Variants in LEMD3 observed in about 807,000 individuals in gnomAD.
The protein encoded by LEMD3 is LEM domain containing 3.
A neutral mutation model predicts 95.2 loss-of-function variants in LEMD3; 33 were observed. The observed-to-expected ratio is 0.35, with a 90% CI of 0.26 to 0.46. The LOEUF (loss-of-function observed/expected upper bound fraction) is 0.46, where lower values mean the gene tolerates loss of function less well. LEMD3 is among the 20% of genes least tolerant of loss of function. LEMD3 has a pLI of 1.00. For synonymous variants in LEMD3, 525 were observed against 474.6 expected (o/e 1.11, Z -1.38); for missense variants, 1,210 against 1,192.8 (o/e 1.01, Z -0.21).
chr12:65,210,888 G>A, intron 1 of LEMD3, 38 bp from the exon 2 acceptor site: 1 of 1,492,218 alleles, frequency 6.7e-7, no homozygotes, highest in Non-Finnish European at 9.4e-7. Flanking sequence ...TAATTCGTAA[G>A]TGATGCTAAT....
intron 1 of LEMD3, among the ~76,000 whole-genome samples, chr12:65,179,375 T>C (rs1868831554): frequency 6.6e-6 from 1 of 152,162 alleles, no homozygotes; most frequent in South Asian, 2.1e-4. Flanking sequence ...TCTTAAAGCT[T>C]GCTTCTCCTT....
At chr12:65,227,738 T>G (rs1870495357) in intron 4 of LEMD3, among the ~76,000 whole-genome samples, 1 of 128,958 alleles carries the variant, frequency 7.8e-6, no homozygotes, top group Admixed American at 8.4e-5. Context: ...TTTTGCGATT[T>G]TTTTTTTTTT....
intron 1 of LEMD3, among the ~76,000 whole-genome samples, chr12:65,173,150 T>G (rs561818654): frequency 9.2e-5 from 14 of 152,214 alleles, no homozygotes; most frequent in Non-Finnish European, 2.1e-4. Context: ...AACACTGTTT[T>G]GGTTATTGTT....
intron 1 of LEMD3, among the ~76,000 whole-genome samples, chr12:65,186,173 C>T (rs1869055477): frequency 6.6e-6 from 1 of 151,992 alleles, no homozygotes; most frequent in Admixed American, 6.6e-5. Context: ...GCCTGAGATT[C>T]TAAGTCATAA....
intron 1 of LEMD3, among the ~76,000 whole-genome samples, chr12:65,200,357 G>C (rs4762129): frequency 0.49 from 74,928 of 151,880 alleles, 20,135 homozygotes; most frequent in Middle Eastern, 0.67. Flanking sequence ...ATTCTGTTGA[G>C]TGTACTTCTG....
At chr12:65,232,113 G>A (rs539398276) in intron 4 of LEMD3, among the ~76,000 whole-genome samples, 1 of 152,148 alleles carries the variant, frequency 6.6e-6, no homozygotes, top group African/African-American at 2.4e-5. Context: ...TTTGATATAT[G>A]TTGCTATATT....
chr12:65,171,209 AC>A, intron 1 of LEMD3, 91 bp downstream of exon 1: 1 of 1,583,370 alleles, frequency 6.3e-7, no homozygotes, highest in Non-Finnish European at 8.5e-7. Flanking sequence ...GAAGTGACTT[AC>A]CTGCAAGAAT....
At chr12:65,181,850 G>T (rs1244629664) in intron 1 of LEMD3, among the ~76,000 whole-genome samples, 1 of 151,614 alleles carries the variant, frequency 6.6e-6, no homozygotes, top group Non-Finnish European at 1.5e-5. Context: ...TATGATTATG[G>T]TTCAAGATGT....
intron 8 of LEMD3, 54 bp downstream of exon 8, chr12:65,240,292 G>A (rs900268110): frequency 3.1e-6 from 4 of 1,275,574 alleles, no homozygotes; most frequent in Non-Finnish European, 4.6e-6. Context: ...AGTGCTTTCT[G>A]CAGTATTGAA....
intron 9 of LEMD3, among the ~76,000 whole-genome samples, chr12:65,243,063 A>T (rs984576675): frequency 3.3e-5 from 5 of 152,048 alleles, no homozygotes; most frequent in African/African-American, 4.8e-5. Flanking sequence ...TTTATTCTTC[A>T]GTTCCCACAT....
At chr12:65,226,727 T>G (rs1870458934) in intron 4 of LEMD3, among the ~76,000 whole-genome samples, 1 of 152,238 alleles carries the variant, frequency 6.6e-6, no homozygotes, top group Non-Finnish European at 1.5e-5. Flanking sequence ...TGGTAAAGTC[T>G]CTAACTTTTC....
At chr12:65,191,196 A>C (rs1234323926) in intron 1 of LEMD3, among the ~76,000 whole-genome samples, 2 of 152,038 alleles carry the variant, frequency 1.3e-5, no homozygotes, top group African/African-American at 4.8e-5. Context: ...CTCTTCCATG[A>C]ATCTCCTTGA....
chr12:65,169,706 C>A lies in LEMD3; in HGVS notation c.110C>A (p.Pro37Gln). The A allele has an allele frequency of 1.3e-6, 2 of 1,584,918 alleles. No homozygotes were observed. Among genetic ancestry groups the A allele is most frequent in the East Asian group, 2.3e-5 (1 of 43,648 alleles). Reference sequence around the variant, plus strand: ...GGACCAGTGACGGAGAGCACCCGCCCGGTCTACCTCAAGAAGCTGAAGAAG... The same window carrying A: ...GGACCAGTGACGGAGAGCACCCGCCAGGTCTACCTCAAGAAGCTGAAGAAG... ...SPGPVTESTR[P>Q]VYLKKLKKLR... Residue 37 changes from proline to glutamine, a missense_variant, in exon 1 of 13, where the codon CCG (proline) becomes CAG (glutamine). Pro to Gln is a moderately conservative substitution (Grantham distance 76, BLOSUM62 -1). This residue lies in a region of LEMD3 where 749 missense variants were observed against 622.9 expected (regional missense o/e 1.20). Coordinates refer to ENST00000308330, the MANE Select transcript of LEMD3 (RefSeq NM_014319.5).
intron 1 of LEMD3, among the ~76,000 whole-genome samples, chr12:65,209,679 C>A (rs184749181): frequency 1.2e-4 from 18 of 152,130 alleles, no homozygotes; most frequent in Non-Finnish European, 2.6e-4. Flanking sequence ...AACATTAAAA[C>A]CCTTTTGATG....
At chr12:65,210,793 A>C in intron 1 of LEMD3, 133 bp from the exon 2 acceptor site, 1 of 773,746 alleles carries the variant, frequency 1.3e-6, no homozygotes, top group East Asian at 2.5e-5. Context: ...TATTATCACC[A>C]GTTTGTTTAC....
At chr12:65,227,854 T>C (rs1470875861) in intron 4 of LEMD3, among the ~76,000 whole-genome samples, 1 of 149,194 alleles carries the variant, frequency 6.7e-6, no homozygotes, top group Non-Finnish European at 1.5e-5. Context: ...GTTTAGGGTA[T>C]AATAAGGAAA....
At chr12:65,228,542 C>T (rs1311216653) in intron 4 of LEMD3, among the ~76,000 whole-genome samples, 1 of 151,632 alleles carries the variant, frequency 6.6e-6, no homozygotes, top group Non-Finnish European at 1.5e-5. Flanking sequence ...ACTGCAGGCA[C>T]CTGCCACCAC....
intron 3 of LEMD3, among the ~76,000 whole-genome samples, chr12:65,217,993 A>C (rs1329922283): frequency 1.3e-5 from 2 of 152,214 alleles, no homozygotes; most frequent in African/African-American, 4.8e-5. Context: ...ATGTTATAAC[A>C]GTTTTTAAGG....
At chr12:65,233,844 T>G (rs1870699788) in intron 4 of LEMD3, among the ~76,000 whole-genome samples, 1 of 152,162 alleles carries the variant, frequency 6.6e-6, no homozygotes. Flanking sequence ...GTACACATTT[T>G]TGACCCACGA....
Sources: allele counts gnomAD v4.1 joint callset (sites outside exome capture counted in the v4.1 genomes callset), GRCh38; gene constraint gnomAD v4.1.1; regional missense constraint gnomAD v4.1.1; transcripts MANE v1.5; gene names NCBI Gene and HGNC (gene_info 2026-07-23, HGNC 2026-07-21).